FOXN3: variants seen among roughly 807,000 people sequenced by gnomAD.
The protein encoded by FOXN3 is forkhead box N3, also known as forkhead box protein N3.
A neutral mutation model predicts 38.4 loss-of-function variants in FOXN3; 7 were observed. The observed-to-expected ratio is 0.18, with a 90% confidence interval of 0.10 to 0.34. The LOEUF is 0.34. Among genes scored for constraint, FOXN3 ranks in the 10% least tolerant of loss-of-function variants. The pLI, the probability that FOXN3 is intolerant of heterozygous loss-of-function variation, is 1.00. For synonymous variants in FOXN3, 230 were observed against 242.2 expected (o/e 0.95, Z 0.47); for missense variants, 456 against 613.4 (o/e 0.74, Z 2.71).
intron 4 of FOXN3, among the ~76,000 whole-genome samples, chr14:89,246,791 A>C (rs1363988412): frequency 6.6e-6 from 1 of 151,942 alleles, no homozygotes; most frequent in Non-Finnish European, 1.5e-5. Flanking sequence ...CACCCGCCTC[A>C]GCCTCCCAAA....
intron 1 of FOXN3, among the ~76,000 whole-genome samples, chr14:89,492,739 A>G (rs1893608259): frequency 1.3e-5 from 2 of 151,840 alleles, no homozygotes; most frequent in Admixed American, 1.3e-4. Flanking sequence ...CCAAAAAACA[A>G]CCCCCATAGA....
chr14:89,313,667 C>T (rs1035790962), intron 3 of FOXN3, among the ~76,000 whole-genome samples: 1 of 142,150 alleles, frequency 7.0e-6, no homozygotes, highest in African/African-American at 2.8e-5. Context: ...GGTAAAGTCA[C>T]ATGTGAAAAG....
At chr14:89,335,913 T>C (rs541558908) in intron 3 of FOXN3, among the ~76,000 whole-genome samples, 7 of 152,252 alleles carry the variant, frequency 4.6e-5, no homozygotes, top group Middle Eastern at 6.8e-3. Flanking sequence ...AGCTGAAGTA[T>C]AGACATTTAT....
At chr14:89,451,694 G>A (rs955477778) in intron 1 of FOXN3, among the ~76,000 whole-genome samples, 6 of 152,142 alleles carry the variant, frequency 3.9e-5, no homozygotes, top group Admixed American at 6.5e-5. Context: ...CCTGCCAGTC[G>A]TAACACCTCA....
intron 1 of FOXN3, among the ~76,000 whole-genome samples, chr14:89,488,524 A>G (rs1429942239): frequency 6.6e-6 from 1 of 151,680 alleles, no homozygotes; most frequent in Non-Finnish European, 1.5e-5. Context: ...GTGGTGGTAC[A>G]CGCCTGTAGT....
chr14:89,191,414 A>G (rs369666709), intron 4 of FOXN3, among the ~76,000 whole-genome samples: 1 of 152,116 alleles, frequency 6.6e-6, no homozygotes, highest in East Asian at 1.9e-4. Flanking sequence ...TGTCCAAATA[A>G]ATGAAGTGTG....
chr14:89,240,366 A>G (rs1885103796), intron 4 of FOXN3, among the ~76,000 whole-genome samples: 1 of 152,260 alleles, frequency 6.6e-6, no homozygotes, highest in Non-Finnish European at 1.5e-5. Context: ...AAGGAAATAA[A>G]TAACAACAGA....
intron 1 of FOXN3, among the ~76,000 whole-genome samples, chr14:89,574,507 G>A (rs553459415): frequency 6.6e-6 from 1 of 152,132 alleles, no homozygotes; most frequent in South Asian, 2.1e-4. Context: ...GAAACAGGGA[G>A]GAGACCACTG....
intron 1 of FOXN3, among the ~76,000 whole-genome samples, chr14:89,494,732 G>A (rs982406035): frequency 6.6e-6 from 1 of 152,200 alleles, no homozygotes; most frequent in African/African-American, 2.4e-5. Flanking sequence ...AAGTAGAGCT[G>A]CATTAGCAGG....
chr14:89,178,698 G>A (rs1887588948), intron 5 of FOXN3, among the ~76,000 whole-genome samples: 2 of 152,134 alleles, frequency 1.3e-5, no homozygotes, highest in Non-Finnish European at 2.9e-5. Context: ...ACCTCAAGAG[G>A]GAACTAATCA....
intron 2 of FOXN3, among the ~76,000 whole-genome samples, chr14:89,389,206 GA>G (rs1890870200): frequency 6.6e-6 from 1 of 151,678 alleles, no homozygotes; most frequent in Non-Finnish European, 1.5e-5. Context: ...TCCTGCAAAC[GA>G]ATTTGGAAGT....
At chr14:89,568,339 T>A (rs1895410233) in intron 1 of FOXN3, among the ~76,000 whole-genome samples, 1 of 151,996 alleles carries the variant, frequency 6.6e-6, no homozygotes, top group Admixed American at 6.6e-5. Flanking sequence ...AACCTGACCA[T>A]GCCACTCTCA....
intron 1 of FOXN3, among the ~76,000 whole-genome samples, chr14:89,513,267 CTTTT>C (rs111977353): frequency 1.3e-5 from 2 of 149,098 alleles, no homozygotes; most frequent in Non-Finnish European, 3.0e-5. Context: ...TTCCCTCTTT[CTTTT>C]TTTTTATTTT....
chr14:89,282,736 T>G (rs575907592), intron 3 of FOXN3, among the ~76,000 whole-genome samples: 45 of 152,332 alleles, frequency 3.0e-4, no homozygotes, highest in African/African-American at 1.1e-3. Context: ...TGCAGGAGCC[T>G]GAATATCCAG....
In FOXN3 at chr14:89,350,691, A is replaced by G; in HGVS notation, c.661T>C (p.Cys221Arg). Residue 221 changes from cysteine to arginine, a missense_variant, in exon 3 of 6, where the codon TGT (cysteine) becomes CGT (arginine). This residue lies in a region of FOXN3 where 386 missense variants were observed against 505.2 expected (regional missense o/e 0.76). Coordinates refer to ENST00000557258, the MANE Select transcript of FOXN3 (RefSeq NM_005197.4). ...GCTTACCTTTGATATGCCTGAGGAC[A>G]GGTGGGAGGTGTATTGAACACGTGT... ...HPHVFNTPPT[C>R]PQAYQSTSGP... 1 of 1,557,190 alleles carries G rather than the reference A, an allele frequency of 6.4e-7. No homozygotes were observed. The highest frequency in any genetic ancestry group is 1.4e-5 in the African/African-American group (1 of 71,228).
intron 3 of FOXN3, chr14:89,333,158 G>A (rs186902339): frequency 2.5e-5 from 4 of 160,794 alleles, no homozygotes; most frequent in South Asian, 1.4e-4. Context: ...GGCCGGGCTC[G>A]GTGGCTCACG....
chr14:89,342,146 G>A (rs751338972), intron 3 of FOXN3, among the ~76,000 whole-genome samples: 1 of 152,162 alleles, frequency 6.6e-6, no homozygotes, highest in Non-Finnish European at 1.5e-5. Flanking sequence ...CACCCCAGGA[G>A]GTCAGAAGAT....
At chr14:89,367,819 G>A (rs757934200) in intron 2 of FOXN3, among the ~76,000 whole-genome samples, 16 of 131,804 alleles carry the variant, frequency 1.2e-4, no homozygotes, top group Non-Finnish European at 2.4e-4. Flanking sequence ...CCAGGGCTCA[G>A]CAAGCCGGCC....
chr14:89,525,134 T>C (rs988611187), intron 1 of FOXN3, among the ~76,000 whole-genome samples: 1 of 152,040 alleles, frequency 6.6e-6, no homozygotes, highest in Non-Finnish European at 1.5e-5. Flanking sequence ...AGGGGCTGGG[T>C]AAAATAAGGC....
Sources: gnomAD v4.1 joint callset for allele counts (sites outside exome capture counted in the v4.1 genomes callset) on GRCh38, gnomAD v4.1.1 for gene constraint, gnomAD v4.1.1 regional missense constraint, MANE v1.5 for transcripts, NCBI Gene and HGNC (gene_info 2026-07-23, HGNC 2026-07-21) for gene names.